Variants in CELF2 observed in about 807,000 individuals in gnomAD.
CELF2 encodes the protein CUG triplet repeat RNA-binding protein 2.
A neutral mutation model predicts 62.6 loss-of-function variants in CELF2; 8 were observed. The ratio of observed to expected loss-of-function variants is 0.13; its 90% CI spans 0.07 to 0.23. The LOEUF is 0.23. Ranked by LOEUF, CELF2 falls within the 10% of genes least tolerant of loss-of-function variation. The probability of loss-of-function intolerance (pLI) is 1.00; values close to 1 mark genes in which losing one functional copy is unlikely to be tolerated. For missense variants in CELF2, 333 were observed against 671.0 expected (o/e 0.50, Z 5.56); for synonymous variants, 258 against 250.0 (o/e 1.03, Z -0.30).
chr10:10,605,834 A>G, the CELF2 span, among the ~76,000 whole-genome samples: 1 of 152,212 alleles, frequency 6.6e-6, no homozygotes, highest in Non-Finnish European at 1.5e-5. Context: ...AATCAGTCCA[A>G]AAAACTTAGT....
chr10:10,679,164 G>T, the CELF2 span, among the ~76,000 whole-genome samples: 2 of 152,148 alleles, frequency 1.3e-5, no homozygotes, highest in African/African-American at 4.8e-5. Context: ...TATCAAGAAT[G>T]GTAGGAGATG....
intron 2 of CELF2, among the ~76,000 whole-genome samples, chr10:10,985,900 A>G (rs896934028): frequency 5.3e-5 from 8 of 152,200 alleles, no homozygotes; most frequent in Admixed American, 5.2e-4. Flanking sequence ...GTCCAACCAT[A>G]GAATAGGCAT....
At chr10:10,899,419 A>C (rs181715558) in intron 1 of CELF2, among the ~76,000 whole-genome samples, 309 of 152,308 alleles carry the variant, frequency 2.0e-3, no homozygotes, top group Admixed American at 3.9e-3. Context: ...AACGATAATC[A>C]TGGGTATTAT....
At chr10:10,834,468 T>C (rs541935221) in intron 1 of CELF2, among the ~76,000 whole-genome samples, 3 of 152,148 alleles carry the variant, frequency 2.0e-5, no homozygotes, top group Admixed American at 1.3e-4. Flanking sequence ...ACAAAAAGAA[T>C]GAGGGGTGAG....
At chr10:11,116,822 T>C (rs1259112497) in intron 1 of CELF2, among the ~76,000 whole-genome samples, 1 of 152,254 alleles carries the variant, frequency 6.6e-6, no homozygotes, top group South Asian at 2.1e-4. Flanking sequence ...AGAAGTACAC[T>C]GAACATCATA....
At chr10:10,833,140 C>T (rs1320945968) in intron 1 of CELF2, among the ~76,000 whole-genome samples, 1 of 152,104 alleles carries the variant, frequency 6.6e-6, no homozygotes, top group Non-Finnish European at 1.5e-5. Context: ...GATTCATTCT[C>T]ATGCATAAAA....
chr10:10,678,796 C>T, the CELF2 span, among the ~76,000 whole-genome samples: 17 of 152,166 alleles, frequency 1.1e-4, no homozygotes, highest in Non-Finnish European at 1.8e-4. Context: ...TTATAGTTCT[C>T]TGTTAGGATC....
Position 11,073,009 on chromosome 10 carries a change from C to G in CELF2, c.74+54846C>G, listed in dbSNP as rs1254410213. ...ATTATAAGTTATTACACAAATCACA[C>G]TCTTATTGTACAACATACTACTAAT... On this transcript the variant is annotated intron_variant, in intron 1 of 12. Transcript: ENST00000633077. 2.0e-5 allele frequency among the ~76,000 whole-genome samples: 3 copies of G among 151,842 alleles called. No homozygotes were observed. The East Asian group carries it at 5.8e-4, about 29-fold the overall frequency.
chr10:10,799,459 GT>G (rs2054424119), intron 1 of CELF2, among the ~76,000 whole-genome samples: 1 of 152,088 alleles, frequency 6.6e-6, no homozygotes, highest in South Asian at 2.1e-4. Flanking sequence ...ACTCCAGCCT[GT>G]GCAACAGAGT....
At chr10:11,085,397 T>C (rs954926863) in intron 1 of CELF2, among the ~76,000 whole-genome samples, 1 of 152,208 alleles carries the variant, frequency 6.6e-6, no homozygotes, top group African/African-American at 2.4e-5. Context: ...TACCTATAGA[T>C]TTGAGCCCGT....
the CELF2 span, among the ~76,000 whole-genome samples, chr10:10,778,249 T>C: frequency 6.6e-6 from 1 of 152,232 alleles, no homozygotes; most frequent in East Asian, 1.9e-4. Flanking sequence ...GAGGGACCTT[T>C]ACAACCTGGA....
chr10:10,659,555 A>T, the CELF2 span, among the ~76,000 whole-genome samples: 2 of 152,132 alleles, frequency 1.3e-5, no homozygotes, highest in African/African-American at 2.4e-5. Flanking sequence ...CATCTTGGGC[A>T]TTGGTGAATT....
Position 11,319,380 on chromosome 10 carries a change from C to T in CELF2, c.1097-1809C>T, listed in dbSNP as rs577059526. 6.6e-6 allele frequency among the ~76,000 whole-genome samples: 1 copy of T among 152,110 alleles called. No homozygotes were observed. Among genetic ancestry groups the T allele is most frequent in the African/African-American group, 2.4e-5 (1 of 41,426 alleles). Reference sequence around the variant, plus strand: ...CTGGAGGAATAGAGAAATGACTCTCCAGCCCTCTGGTGGCCATAGTAACAG... The same window carrying T: ...CTGGAGGAATAGAGAAATGACTCTCTAGCCCTCTGGTGGCCATAGTAACAG... On this transcript the variant is annotated intron_variant, in intron 10 of 12. Coordinates refer to ENST00000633077, the MANE Select transcript of CELF2 (RefSeq NM_001326342.2). This position sits in a 1 kb window ranked among gnomAD's most constrained non-coding sequence, Gnocchi z 4.4.
the CELF2 span, among the ~76,000 whole-genome samples, chr10:10,732,520 CTTTTTT>C: frequency 3.6e-5 from 4 of 110,380 alleles, no homozygotes; most frequent in African/African-American, 1.3e-4. Context: ...ACTCACTCTC[CTTTTTT>C]TTTTTTTTTT....
chr10:10,686,857 C>A, the CELF2 span, among the ~76,000 whole-genome samples: 889 of 152,278 alleles, frequency 5.8e-3, 2 homozygotes, highest in Non-Finnish European at 8.2e-3. Context: ...ACAAAAGGCT[C>A]ATTCCACTCT....
chr10:10,852,468 G>T (rs2059441632), intron 1 of CELF2, among the ~76,000 whole-genome samples: 1 of 152,218 alleles, frequency 6.6e-6, no homozygotes, highest in Non-Finnish European at 1.5e-5. Context: ...AGAAAGGTGT[G>T]TGGTTATAAA....
chr10:11,046,366 C>T lies in CELF2; in HGVS notation c.74+28203C>T, dbSNP rs1484470727. ...CTGCTGCTGGATGCAATTTGGATCT[C>T]CCTAGACGACTTGGCCCAGAGTTGG... On this transcript the variant is annotated intron_variant, in intron 1 of 12. Coordinates refer to ENST00000633077, the MANE Select transcript of CELF2 (RefSeq NM_001326342.2). The surrounding 1 kb of genome is among the most constrained non-coding windows in gnomAD (Gnocchi z 4.6). Among the ~76,000 whole-genome samples, 1 of 152,194 alleles carries T rather than the reference C, an allele frequency of 6.6e-6. No individual in the cohort carries two copies. The highest frequency in any genetic ancestry group is 2.4e-5 in the African/African-American group (1 of 41,450).
chr10:10,706,163 A>G, the CELF2 span, among the ~76,000 whole-genome samples: 37 of 152,310 alleles, frequency 2.4e-4, no homozygotes, highest in South Asian at 7.7e-3. Flanking sequence ...AGAGTATATG[A>G]TGCTTCTTTC....
At chr10:11,085,779 T>C (rs2046540597) in intron 1 of CELF2, among the ~76,000 whole-genome samples, 1 of 152,200 alleles carries the variant, frequency 6.6e-6, no homozygotes, top group Admixed American at 6.5e-5. Context: ...TAATGTCATA[T>C]TAACCACACA....
Sources: allele counts gnomAD v4.1 joint callset (sites outside exome capture counted in the v4.1 genomes callset), GRCh38; gene constraint gnomAD v4.1.1; non-coding constraint Gnocchi (gnomAD v3.1); transcripts MANE v1.5; gene names NCBI Gene and HGNC (gene_info 2026-07-23, HGNC 2026-07-21).